The following NACC1 variants were observed in gnomAD, a reference collection of about 807,000 sequenced individuals.
NACC1 encodes nucleus accumbens-associated protein 1.
Under a neutral mutation model 41.7 loss-of-function variants are expected in NACC1, and 6 were observed. The ratio of observed to expected loss-of-function variants is 0.14; its 90% CI spans 0.08 to 0.28. NACC1 has a LOEUF of 0.28. Ranked by LOEUF, NACC1 falls within the 10% of genes least tolerant of loss-of-function variation. NACC1 has a pLI of 1.00. For missense variants in NACC1, 434 were observed against 763.7 expected (o/e 0.57, Z 5.09); for synonymous variants, 338 against 330.6 (o/e 1.02, Z -0.24).
At chr19:13,133,221 T>G (rs767934011) in intron 1 of NACC1, among the ~76,000 whole-genome samples, 22 of 152,086 alleles carry the variant, frequency 1.4e-4, no homozygotes, top group Non-Finnish European at 2.9e-4. Flanking sequence ...CAGGGAAGCC[T>G]TCTCACTCGC....
At position 13,136,469 on chromosome 19, in the gene NACC1, G is replaced by A. The variant is rs2019709077; in HGVS notation, c.1120+64G>A. 1.3e-6 allele frequency: 2 copies of A among 1,527,064 alleles called. No individual in the cohort carries two copies. Among genetic ancestry groups the A allele is most frequent in the African/African-American group, 1.4e-5 (1 of 72,396 alleles). The allele number at this position is 1,527,064 out of a possible 1,614,324, so 94.6% of individuals were successfully genotyped here. ...TTTGGAGCCGGCTGGCCTGGGCTGGGCTGGGCAGCTGGTTAGGAGCCCCCA... is the reference window on the plus strand; with the variant it reads ...TTTGGAGCCGGCTGGCCTGGGCTGGACTGGGCAGCTGGTTAGGAGCCCCCA... On this transcript the variant is annotated intron_variant, in intron 3 of 5. Coordinates refer to ENST00000292431, the MANE Select transcript of NACC1 (RefSeq NM_052876.4). The surrounding 1 kb of genome is among the most constrained non-coding windows in gnomAD (Gnocchi z 5.5).
intron 1 of NACC1, among the ~76,000 whole-genome samples, chr19:13,121,455 G>A (rs2019491874): frequency 9.2e-5 from 14 of 152,182 alleles, no homozygotes; most frequent in Admixed American, 9.2e-4. Flanking sequence ...CCTGCATCTA[G>A]GGTATTTAAA....
chr19:13,133,236 T>C (rs965316677), intron 1 of NACC1, among the ~76,000 whole-genome samples: 1 of 152,074 alleles, frequency 6.6e-6, no homozygotes, highest in African/African-American at 2.4e-5. Flanking sequence ...ACTCGCACTC[T>C]GCCCAGTTAG....
Position 13,130,011 on chromosome 19 carries a change from T to G in NACC1, c.-8-5189T>G, listed in dbSNP as rs558103311. ...CGTTCTGCACTGTTTTGTTTGTTTG[T>G]TTGGTTGGCTGGTTGGTTGGTTGGT... is the stretch of plus-strand genomic sequence containing the variant. On this transcript the variant is annotated intron_variant, in intron 1 of 5. Coordinates refer to ENST00000292431, the MANE Select transcript of NACC1 (RefSeq NM_052876.4). Among the ~76,000 whole-genome samples, 33 of 152,124 alleles carry G rather than the reference T, an allele frequency of 2.2e-4. No individual in the cohort carries two copies. In the South Asian group the frequency reaches 2.3e-3, roughly 11 times the overall value.
chr19:13,123,388 A>C (rs981918248), intron 1 of NACC1, among the ~76,000 whole-genome samples: 4 of 152,122 alleles, frequency 2.6e-5, no homozygotes, highest in East Asian at 3.9e-4. Flanking sequence ...CTCTCCAAGG[A>C]GCTGGAGCTG....
rs764645348 is a variant in NACC1 at position 13,137,371 on chromosome 19, T to A, written c.1221T>A (p.Phe407Leu). ...VLLRRLLASF[F>L]DRNTLANSCG... ...TGCGGCGGCTCCTGGCCTCCTTCTT[T>A]GACCGGTAAGGCCCTTGCCAGAGCC... is the stretch of plus-strand genomic sequence containing the variant. Residue 407 changes from phenylalanine (F) to leucine (L), a missense_variant, in exon 4 of 6, where the codon TTT (phenylalanine) becomes TTA (leucine). By Grantham distance (22) the Phe-to-Leu change is conservative. Around this residue, in one of 4 missense-constraint regions of NACC1, gnomAD observed 70 missense variants for 206.9 expected, o/e 0.34. Transcript: ENST00000292431. This position sits in a 1 kb window ranked among gnomAD's most constrained non-coding sequence, Gnocchi z 6.1. 1.3e-6 allele frequency: 2 copies of A among 1,594,614 alleles called. No homozygotes were observed. The highest frequency in any genetic ancestry group is 8.6e-7 in the Non-Finnish European group (1 of 1,165,400).
chr19:13,138,376 G>T lies in NACC1; in HGVS notation c.1554G>T (p.Glu518Asp). 1 of 1,612,806 alleles carries T rather than the reference G, an allele frequency of 6.2e-7. No homozygotes were observed. The highest frequency in any genetic ancestry group is 8.5e-7 in the Non-Finnish European group (1 of 1,179,946). ...TCGAGACCGCCAGCCACGAGGGCGA[G>T]GCGGGTCCCTCGGCTGAAGCCCTGC... ...HGFETASHEG[E>D]AGPSAEALQ The change falls in exon 6 of 6, where the codon GAG (glutamate) becomes GAT (aspartate). Residue 518 changes from glutamate to aspartate, a missense_variant. Around this residue, in one of 4 missense-constraint regions of NACC1, gnomAD observed 63 missense variants for 68.4 expected, o/e 0.92. Transcript: ENST00000292431. The surrounding 1 kb of genome is among the most constrained non-coding windows in gnomAD (Gnocchi z 5.7).
intron 1 of NACC1, among the ~76,000 whole-genome samples, chr19:13,119,772 G>C (rs1408260472): frequency 6.6e-6 from 1 of 152,166 alleles, no homozygotes; most frequent in Non-Finnish European, 1.5e-5. Flanking sequence ...TCACACCCTG[G>C]CCCAGGGATC....
In NACC1 at chr19:13,137,559, G is replaced by C; in HGVS notation, c.1308G>C (p.Val436=). 2 of 1,556,096 alleles carry C rather than the reference G, an allele frequency of 1.3e-6. No homozygotes were observed. The highest frequency in any genetic ancestry group is 2.4e-5 in the East Asian group (1 of 41,574). ...GTCGGAAGCCCCTGGACAGCCGCGT[G>C]CTCCACGCTGTCAAGTGTGAGTGTT... The part of the protein sequence containing the change: ...DPRRKPLDSR[V]LHAVKYYCQN... Residue 436 remains valine, a synonymous_variant, in exon 5 of 6, where the codon GTG becomes GTC. Transcript: ENST00000292431. This position sits in a 1 kb window ranked among gnomAD's most constrained non-coding sequence, Gnocchi z 6.1.
chr19:13,133,574 G>T (rs1181731950), intron 1 of NACC1, among the ~76,000 whole-genome samples: 1 of 152,046 alleles, frequency 6.6e-6, no homozygotes, highest in Non-Finnish European at 1.5e-5. Flanking sequence ...CTTTTCCAGG[G>T]ACATCCATGT....
chr19:13,124,645 C>T (rs371605466), intron 1 of NACC1, among the ~76,000 whole-genome samples: 1 of 152,186 alleles, frequency 6.6e-6, no homozygotes, highest in Admixed American at 6.5e-5. Context: ...TGAGTAGCTG[C>T]CAGGATCCAG....
chr19:13,136,338 T>C lies in NACC1; in HGVS notation c.1053T>C (p.Ile351=). The C allele has an allele frequency of 6.2e-7, 1 of 1,613,964 alleles. No homozygotes were observed. The highest frequency in any genetic ancestry group is 8.5e-7 in the Non-Finnish European group (1 of 1,179,990). ...ASLPAELINQ[I]GNRCHPKLYD... is the part of the protein sequence containing the mutation. ...TCCCGGCTGAACTTATCAACCAGATTGGGAACCGCTGCCACCCCAAGCTCT... is the reference window on the plus strand; with the variant it reads ...TCCCGGCTGAACTTATCAACCAGATCGGGAACCGCTGCCACCCCAAGCTCT... Residue 351 remains isoleucine, a synonymous_variant, in exon 3 of 6, where the codon ATT becomes ATC. Coordinates refer to ENST00000292431, the MANE Select transcript of NACC1 (RefSeq NM_052876.4). This position sits in a 1 kb window ranked among gnomAD's most constrained non-coding sequence, Gnocchi z 5.5.
intron 1 of NACC1, among the ~76,000 whole-genome samples, chr19:13,122,922 C>A (rs1305571069): frequency 2.0e-5 from 3 of 152,172 alleles, no homozygotes; most frequent in Non-Finnish European, 4.4e-5. Context: ...GGCCTGTGTT[C>A]TTTGGTTGTT....
chr19:13,134,082 GTC>G (rs2019667449), intron 1 of NACC1, among the ~76,000 whole-genome samples: 2 of 152,202 alleles, frequency 1.3e-5, no homozygotes, highest in South Asian at 4.1e-4. Context: ...TTGAGACAGT[GTC>G]TCTGTCTGTA....
intron 1 of NACC1, among the ~76,000 whole-genome samples, chr19:13,124,409 A>C (rs938576308): frequency 6.6e-6 from 1 of 152,000 alleles, no homozygotes; most frequent in Non-Finnish European, 1.5e-5. Flanking sequence ...ACAAAAAAGA[A>C]AAAAAAATAC....
intron 1 of NACC1, among the ~76,000 whole-genome samples, chr19:13,123,169 C>T (rs539825973): frequency 5.4e-4 from 82 of 152,294 alleles, no homozygotes; most frequent in Middle Eastern, 3.4e-3. Flanking sequence ...TTTGTGTTAG[C>T]GGCACCAGGG....
chr19:13,118,935 G>A (rs1251884818), intron 1 of NACC1, among the ~76,000 whole-genome samples: 2 of 151,500 alleles, frequency 1.3e-5, no homozygotes, highest in Non-Finnish European at 2.9e-5. Flanking sequence ...GGTGGGTCAA[G>A]TTACAGGCCT....
rs1429049466 is a variant in NACC1 at position 13,135,650 on chromosome 19, C to T, written c.443C>T (p.Ala148Val). 9 of 1,562,310 alleles carry T rather than the reference C, an allele frequency of 5.8e-6. No homozygotes were observed. The highest frequency in any genetic ancestry group is 3.8e-5 in the Admixed American group (2 of 52,886). ...TCGTCGGAGCCCCAGAGCCCCGTGG[C>T]GCAGACATCGGGCTGGCCAGCCTGT... ...APSSEPQSPVAQTSGWPACST... is the reference protein window; with the variant it reads ...APSSEPQSPVVQTSGWPACST... Residue 148 changes from alanine (A) to valine (V), a missense_variant, in exon 2 of 6, where the codon GCG becomes GTG. Around this residue, in one of 4 missense-constraint regions of NACC1, gnomAD observed 234 missense variants for 308.3 expected, o/e 0.76. Transcript: ENST00000292431.
chr19:13,126,742 A>G (rs2019567782), intron 1 of NACC1, among the ~76,000 whole-genome samples: 1 of 152,154 alleles, frequency 6.6e-6, no homozygotes, highest in Non-Finnish European at 1.5e-5. Context: ...TCTGAGCCCT[A>G]TTCCTGTTTG....
Sources: gnomAD v4.1 joint callset for allele counts (sites outside exome capture counted in the v4.1 genomes callset) on GRCh38, gnomAD v4.1.1 for gene constraint, gnomAD v4.1.1 regional missense constraint, Gnocchi (gnomAD v3.1) non-coding constraint, MANE v1.5 for transcripts, NCBI Gene and HGNC (gene_info 2026-07-23, HGNC 2026-07-21) for gene names.